Variants in CCDC178 observed in about 807,000 individuals in gnomAD.
CCDC178 encodes the protein coiled-coil domain containing 178.
Under a neutral mutation model 117.4 loss-of-function variants are expected in CCDC178, and 126 were observed. The ratio of observed to expected loss-of-function variants is 1.07; its 90% CI spans 0.93 to 1.24. CCDC178 has a LOEUF of 1.24. CCDC178 is among the 50% of genes most tolerant of loss of function. The probability of loss-of-function intolerance (pLI) is 0.00; values close to 1 mark genes in which losing one functional copy is unlikely to be tolerated. For missense variants in CCDC178, 1,030 were observed against 986.9 expected (o/e 1.04, Z -0.59); for synonymous variants, 283 against 313.4 (o/e 0.90, Z 1.02).
intron 3 of CCDC178, among the ~76,000 whole-genome samples, chr18:33,403,544 T>C (rs1313988334): frequency 6.6e-6 from 1 of 151,098 alleles, no homozygotes; most frequent in East Asian, 1.9e-4. Context: ...GCAAATAGAC[T>C]TTTGTCAAAA....
intron 22 of CCDC178, among the ~76,000 whole-genome samples, chr18:32,940,891 G>A (rs1451343016): frequency 6.6e-6 from 1 of 152,040 alleles, no homozygotes; most frequent in Admixed American, 6.6e-5. Context: ...TGTGGGAAAT[G>A]ATTTTCTGGG....
chr18:33,411,963 T>C lies in CCDC178; in HGVS notation c.58+68A>G, dbSNP rs949834968. The C allele has an allele frequency of 1.1e-5, 9 of 839,206 alleles. No homozygotes were observed. In the East Asian group the frequency reaches 2.2e-4, roughly 21 times the overall value. The allele number at this position is 839,206 out of a possible 1,614,324, so 52.0% of individuals were successfully genotyped here. ...TACTATCTTTGCAGTTGCCCTCCTCTGTAAGTGATGTGAATTCCATTTATC... is the reference window on the plus strand; with the variant it reads ...TACTATCTTTGCAGTTGCCCTCCTCCGTAAGTGATGTGAATTCCATTTATC... On this transcript the variant is annotated intron_variant, in intron 3 of 22. Transcript: ENST00000383096.
chr18:32,999,116 T>A (rs1474634528), intron 21 of CCDC178, among the ~76,000 whole-genome samples: 1 of 151,664 alleles, frequency 6.6e-6, no homozygotes, highest in Non-Finnish European at 1.5e-5. Flanking sequence ...AGCCCTGAAG[T>A]GAGAGCCACA....
intron 20 of CCDC178, among the ~76,000 whole-genome samples, chr18:33,140,376 T>G (rs763455535): frequency 2.3e-4 from 35 of 151,978 alleles, no homozygotes; most frequent in Non-Finnish European, 3.5e-4. Flanking sequence ...ACACAGACAC[T>G]CAACAGCAGC....
chr18:33,128,661 T>A (rs1366491873), intron 20 of CCDC178, among the ~76,000 whole-genome samples: 4 of 152,168 alleles, frequency 2.6e-5, no homozygotes, highest in African/African-American at 9.7e-5. Flanking sequence ...TGAGTCGAGA[T>A]GTCCATGACT....
At chr18:33,059,078 C>A (rs1219712623) in intron 21 of CCDC178, among the ~76,000 whole-genome samples, 1 of 152,068 alleles carries the variant, frequency 6.6e-6, no homozygotes, top group East Asian at 1.9e-4. Flanking sequence ...CAGGAAGAAT[C>A]TTATTTGTGG....
chr18:33,098,571 G>A (rs755076077), intron 20 of CCDC178, among the ~76,000 whole-genome samples: 21 of 151,860 alleles, frequency 1.4e-4, no homozygotes, highest in African/African-American at 2.4e-4. Context: ...GAGCTCTGCC[G>A]GCTCTTGCTA....
chr18:33,316,026 C>T (rs963865910), intron 11 of CCDC178, among the ~76,000 whole-genome samples: 1 of 152,234 alleles, frequency 6.6e-6, no homozygotes, highest in Non-Finnish European at 1.5e-5. Context: ...CCTAGTCTGT[C>T]TATGGAGTAT....
At chr18:33,421,819 A>T (rs1302686263) in intron 2 of CCDC178, among the ~76,000 whole-genome samples, 2 of 152,210 alleles carry the variant, frequency 1.3e-5, no homozygotes, top group Non-Finnish European at 2.9e-5. Context: ...AGAGTCATAA[A>T]AATGGACTGG....
intron 12 of CCDC178, among the ~76,000 whole-genome samples, chr18:33,272,668 C>T (rs1188425093): frequency 6.6e-6 from 1 of 151,428 alleles, no homozygotes; most frequent in Non-Finnish European, 1.5e-5. Flanking sequence ...TTGCGGAATC[C>T]ATAAACATAT....
intron 20 of CCDC178, among the ~76,000 whole-genome samples, chr18:33,176,828 A>T (rs567454370): frequency 6.6e-6 from 1 of 152,100 alleles, no homozygotes; most frequent in African/African-American, 2.4e-5. Flanking sequence ...AGCTGTTGAC[A>T]TAGGAGAAAA....
In CCDC178 at chr18:33,415,264, C is replaced by T. The variant is rs919192263; in HGVS notation, c.-22-3154G>A. On this transcript the variant is annotated intron_variant, in intron 2 of 22. Coordinates refer to ENST00000383096, the MANE Select transcript of CCDC178 (RefSeq NM_001105528.4). ...GACACATGCAAACGTATGTTTATTG[C>T]GGCACTATTCACAATAGCAAAGACT... Among the ~76,000 whole-genome samples, 8 of 152,044 alleles carry T rather than the reference C, an allele frequency of 5.3e-5. No homozygotes were observed. The East Asian group carries it at 5.8e-4, about 11-fold the overall frequency.
At chr18:33,258,302 T>C (rs545050202) in intron 14 of CCDC178, among the ~76,000 whole-genome samples, 2 of 152,260 alleles carry the variant, frequency 1.3e-5, no homozygotes, top group African/African-American at 4.8e-5. Flanking sequence ...TACAATTTTC[T>C]AGCAACACCG....
At chr18:33,174,724 ACTTT>A (rs1224654655) in intron 20 of CCDC178, among the ~76,000 whole-genome samples, 2 of 152,190 alleles carry the variant, frequency 1.3e-5, no homozygotes, top group African/African-American at 4.8e-5. Flanking sequence ...AAGAACAAAT[ACTTT>A]CTTTAAAAAA....
intron 15 of CCDC178, among the ~76,000 whole-genome samples, chr18:33,241,883 A>T (rs887981100): frequency 6.6e-6 from 1 of 151,810 alleles, no homozygotes; most frequent in Non-Finnish European, 1.5e-5. Context: ...CTATAAAAAT[A>T]CCAAATATGT....
chr18:32,954,183 T>C (rs975595049), intron 22 of CCDC178: 34 of 152,210 alleles, frequency 2.2e-4, no homozygotes, highest in Admixed American at 2.2e-3. Flanking sequence ...ATTAACTCAA[T>C]ACCAGATTAT....
intron 20 of CCDC178, among the ~76,000 whole-genome samples, chr18:33,170,736 A>G (rs557002947): frequency 1.3e-4 from 20 of 152,316 alleles, no homozygotes; most frequent in Non-Finnish European, 2.1e-4. Flanking sequence ...TATGTCACAT[A>G]CAAAAACCAC....
At chr18:33,171,596 T>G (rs1282561230) in intron 20 of CCDC178, among the ~76,000 whole-genome samples, 1 of 152,094 alleles carries the variant, frequency 6.6e-6, no homozygotes, top group Non-Finnish European at 1.5e-5. Context: ...CTATAGAGAG[T>G]GTGTTTTTGA....
intron 11 of CCDC178, among the ~76,000 whole-genome samples, chr18:33,319,270 C>T (rs548296285): frequency 5.9e-5 from 9 of 151,930 alleles, no homozygotes; most frequent in African/African-American, 9.7e-5. Flanking sequence ...CAATTCCCAC[C>T]GATGAGTGAG....
Sources: allele counts gnomAD v4.1 joint callset (sites outside exome capture counted in the v4.1 genomes callset), GRCh38; gene constraint gnomAD v4.1.1; transcripts MANE v1.5; gene names NCBI Gene and HGNC (gene_info 2026-07-23, HGNC 2026-07-21).